Variants in TAB2 observed in about 807,000 individuals in gnomAD.
TAB2 encodes TGF-beta activated kinase 1 (MAP3K7) binding protein 2.
TAB2 carries 3 observed loss-of-function variants against 65.0 expected under a neutral mutation model. The observed-to-expected ratio is 0.05, with a 90% CI of 0.02 to 0.12. TAB2 has a LOEUF of 0.12. TAB2 is among the 10% of genes least tolerant of loss of function. TAB2 has a pLI of 1.00. For synonymous variants in TAB2, 298 were observed against 285.1 expected (o/e 1.05, Z -0.46); for missense variants, 623 against 840.3 (o/e 0.74, Z 3.20).
At chr6:149,364,912 C>G (rs1780990672) in intron 1 of TAB2, among the ~76,000 whole-genome samples, 1 of 151,586 alleles carries the variant, frequency 6.6e-6, no homozygotes, top group Non-Finnish European at 1.5e-5. Context: ...TAACCAGTGC[C>G]TAGTACTCTT....
At chr6:149,402,215 G>T (rs1782452348) in intron 6 of TAB2, among the ~76,000 whole-genome samples, 1 of 151,352 alleles carries the variant, frequency 6.6e-6, no homozygotes, top group Admixed American at 6.6e-5. Context: ...AAAAAAAGGA[G>T]ACAAAATCAG....
intron 1 of TAB2, among the ~76,000 whole-genome samples, chr6:149,276,831 A>G (rs1778482766): frequency 6.6e-6 from 1 of 152,204 alleles, no homozygotes; most frequent in African/African-American, 2.4e-5. Context: ...AGATACTCAC[A>G]TATATGCTGA....
intron 3 of TAB2, among the ~76,000 whole-genome samples, chr6:149,386,366 G>C (rs930842619): frequency 6.6e-6 from 1 of 152,068 alleles, no homozygotes; most frequent in Non-Finnish European, 1.5e-5. Flanking sequence ...TCACTGATAT[G>C]TGCAGCCATC....
intron 1 of TAB2, among the ~76,000 whole-genome samples, chr6:149,339,612 T>TA (rs1280479956): frequency 6.5e-5 from 9 of 137,870 alleles, no homozygotes; most frequent in African/African-American, 2.4e-4. Context: ...TTTATTTTTT[T>TA]TTTTTTTTGA....
At chr6:149,356,375 A>T (rs1366575445) in intron 1 of TAB2, among the ~76,000 whole-genome samples, 1 of 152,234 alleles carries the variant, frequency 6.6e-6, no homozygotes, top group Non-Finnish European at 1.5e-5. Flanking sequence ...TTACAGAAAT[A>T]AGATGATAAT....
intron 1 of TAB2, among the ~76,000 whole-genome samples, chr6:149,300,792 G>T (rs1182485098): frequency 6.6e-6 from 1 of 152,158 alleles, no homozygotes; most frequent in Admixed American, 6.5e-5. Context: ...GCACTGGGGG[G>T]GTGAAAGGAG....
rs887456355 is a variant in TAB2, at chr6:149,410,616, G to A, written c.*897G>A. 1.9e-4 allele frequency: 29 copies of A among 152,610 alleles called. No homozygotes were observed. The highest frequency in any genetic ancestry group is 7.0e-4 in the African/African-American group (29 of 41,452). 9.5% of individuals were successfully genotyped at this position (152,610 alleles called of 1,614,324 possible). ...CTTTGCCCTCATGAGTTCCAATGTT[G>A]TGTGAAGACAGGCAGATGCTGCACA... On this transcript the variant is annotated 3_prime_UTR_variant, in exon 7 of 7. Coordinates refer to ENST00000637181, the MANE Select transcript of TAB2 (RefSeq NM_001292034.3).
chr6:149,225,382 A>T (rs1317131759), intron 1 of TAB2, among the ~76,000 whole-genome samples: 1 of 152,230 alleles, frequency 6.6e-6, no homozygotes, highest in African/African-American at 2.4e-5. Context: ...GGAAAGAAAA[A>T]GAATATGGAT....
chr6:149,292,562 C>G (rs12111072), intron 1 of TAB2, among the ~76,000 whole-genome samples: 11,096 of 152,158 alleles, frequency 0.073, 1,260 homozygotes, highest in African/African-American at 0.24. Flanking sequence ...GGAAGAAGAA[C>G]CAGTCGTTAA....
intron 1 of TAB2, among the ~76,000 whole-genome samples, chr6:149,333,311 A>C (rs1484080363): frequency 6.6e-6 from 1 of 152,164 alleles, no homozygotes; most frequent in African/African-American, 2.4e-5. Flanking sequence ...TGAGGCGTAC[A>C]TTTTGCCTCT....
chr6:149,351,324 G>A (rs1380455724), intron 1 of TAB2, among the ~76,000 whole-genome samples: 1 of 152,136 alleles, frequency 6.6e-6, no homozygotes, highest in Non-Finnish European at 1.5e-5. Context: ...TGCAACCAGG[G>A]TAATATGCAG....
At chr6:149,341,400 A>G (rs1379548860) in intron 1 of TAB2, among the ~76,000 whole-genome samples, 1 of 152,176 alleles carries the variant, frequency 6.6e-6, no homozygotes, top group African/African-American at 2.4e-5. Context: ...TGAAAATGAA[A>G]ACTTAAGTAT....
intron 1 of TAB2, among the ~76,000 whole-genome samples, chr6:149,222,584 C>T (rs944055241): frequency 2.0e-5 from 3 of 150,032 alleles, no homozygotes; most frequent in Admixed American, 6.7e-5. Flanking sequence ...TCCCACTGCA[C>T]TCCAGCTTGG....
intron 1 of TAB2, 108 bp downstream of exon 1, chr6:149,318,123 C>G (rs1779313524): frequency 6.5e-6 from 1 of 154,034 alleles, no homozygotes; most frequent in South Asian, 1.8e-4. Flanking sequence ...TCGCGAGGCC[C>G]GTGCGGGGCG....
intron 6 of TAB2, among the ~76,000 whole-genome samples, chr6:149,406,368 C>T (rs1316786096): frequency 6.6e-6 from 1 of 152,178 alleles, no homozygotes; most frequent in Admixed American, 6.5e-5. Context: ...TGTATGGTTA[C>T]TGTCATTGAG....
At chr6:149,304,816 AC>A (rs1270676610) in intron 1 of TAB2, among the ~76,000 whole-genome samples, 10 of 152,178 alleles carry the variant, frequency 6.6e-5, no homozygotes, top group Admixed American at 3.9e-4. Flanking sequence ...GAATACCTCC[AC>A]CTCCAGTCCC....
At chr6:149,403,337 T>TACAC (rs1180437574) in intron 6 of TAB2, among the ~76,000 whole-genome samples, 2 of 51,494 alleles carry the variant, frequency 3.9e-5, no homozygotes, top group East Asian at 5.5e-4. Flanking sequence ...TATACATATA[T>TACAC]ATACACACAC....
At chr6:149,345,681 C>T (rs1780270957) in intron 1 of TAB2, among the ~76,000 whole-genome samples, 1 of 152,110 alleles carries the variant, frequency 6.6e-6, no homozygotes, top group African/African-American at 2.4e-5. Context: ...CTTTCCTATA[C>T]AATCATATAA....
chr6:149,372,993 G>C lies in TAB2; in HGVS notation c.102+2894G>C, dbSNP rs769639762. Among the ~76,000 whole-genome samples, 160 of 152,116 alleles carry C rather than the reference G, an allele frequency of 1.1e-3. 3 individuals are homozygous for C. The highest frequency in any genetic ancestry group is 2.6e-4 in the Non-Finnish European group (18 of 68,028). ...GATCATGCCATGCTACCAATTCTGT[G>C]TACCTGTTCTTTTTAAACATCTTGC... On this transcript the variant is annotated intron_variant, in intron 2 of 6. Coordinates refer to ENST00000637181, the MANE Select transcript of TAB2 (RefSeq NM_001292034.3).
Sources: gnomAD v4.1 joint callset for allele counts (sites outside exome capture counted in the v4.1 genomes callset) on GRCh38, gnomAD v4.1.1 for gene constraint, MANE v1.5 for transcripts, NCBI Gene and HGNC (gene_info 2026-07-23, HGNC 2026-07-21) for gene names.